Variants in STK10 observed in about 807,000 individuals in gnomAD.
STK10 encodes serine/threonine-protein kinase 10.
STK10 carries 78 observed loss-of-function variants against 113.8 expected under a neutral mutation model. The ratio of observed to expected loss-of-function variants is 0.69; its 90% CI spans 0.57 to 0.83. STK10 has a LOEUF of 0.83. STK10 is among the 40% of genes least tolerant of loss of function. The pLI is 0.00. For synonymous variants in STK10, 465 were observed against 494.7 expected (o/e 0.94, Z 0.80); for missense variants, 1,109 against 1,280.1 (o/e 0.87, Z 2.04).
At chr5:172,163,240 T>TAAAAC (rs1388606109) in intron 1 of STK10, among the ~76,000 whole-genome samples, 1 of 152,130 alleles carries the variant, frequency 6.6e-6, no homozygotes, top group African/African-American at 2.4e-5. Context: ...TATTGCCAGT[T>TAAAAC]TACAGATGAG....
chr5:172,062,444 G>A (rs921663629), intron 13 of STK10, among the ~76,000 whole-genome samples: 1 of 152,152 alleles, frequency 6.6e-6, no homozygotes, highest in Non-Finnish European at 1.5e-5. Flanking sequence ...AGATATGTGT[G>A]CACCCAAGTT....
intron 2 of STK10, among the ~76,000 whole-genome samples, chr5:172,131,269 C>T (rs1411884201): frequency 6.6e-6 from 1 of 152,106 alleles, no homozygotes; most frequent in Admixed American, 6.6e-5. Flanking sequence ...CTCCTGACCT[C>T]GCGATCTGCC....
rs1051262766 is a variant in STK10 at position 172,187,495 on chromosome 5, T to TA, written c.156+391dup. Among the ~76,000 whole-genome samples the TA allele has an allele frequency of 2.9e-4, 43 of 149,028 alleles. No homozygotes were observed. The highest frequency in any genetic ancestry group is 7.9e-4 in the African/African-American group (32 of 40,672). On this transcript the variant is annotated intron_variant, in intron 1 of 18. Coordinates refer to ENST00000176763, the MANE Select transcript of STK10 (RefSeq NM_005990.4). This position sits in a 1 kb window ranked among gnomAD's most constrained non-coding sequence, Gnocchi z 4.6. ...TTCCCACAGCATCTGTGGTCTCTCT[T>TA]AAAAAAAAAAGTGTGCCCGTATCGC... is the stretch of plus-strand genomic sequence containing the variant.
chr5:172,047,899 G>GTTTTTTT (rs11438537), intron 18 of STK10, among the ~76,000 whole-genome samples: 3 of 109,802 alleles, frequency 2.7e-5, no homozygotes, highest in Admixed American at 1.1e-4. Flanking sequence ...TGTTTTTTGG[G>GTTTTTTT]TTTTTTTTTT....
intron 2 of STK10, among the ~76,000 whole-genome samples, chr5:172,148,886 GACA>G (rs1450438160): frequency 6.6e-6 from 1 of 152,206 alleles, no homozygotes; most frequent in Non-Finnish European, 1.5e-5. Flanking sequence ...AAATGGGGGT[GACA>G]ACATCTCAAT....
intron 8 of STK10, among the ~76,000 whole-genome samples, chr5:172,096,079 G>C (rs1452608471): frequency 6.6e-6 from 1 of 152,180 alleles, no homozygotes; most frequent in Non-Finnish European, 1.5e-5. Flanking sequence ...ATCCCAAAAT[G>C]AGCTAAAAAC....
chr5:172,051,523 G>A (rs1214617055), intron 18 of STK10, among the ~76,000 whole-genome samples: 1 of 152,180 alleles, frequency 6.6e-6, no homozygotes, highest in East Asian at 1.9e-4. Flanking sequence ...TATTCAGGAG[G>A]TTGAGGCAGG....
chr5:172,058,102 G>A (rs770829002), intron 14 of STK10, among the ~76,000 whole-genome samples: 5 of 152,298 alleles, frequency 3.3e-5, no homozygotes, highest in South Asian at 2.1e-4. Context: ...CACAGCACCC[G>A]GGTGGGGACC....
chr5:172,042,753 C>A lies in STK10; in HGVS notation c.*2129G>T, dbSNP rs906992776. On this transcript the variant is annotated 3_prime_UTR_variant, in exon 19 of 19. Coordinates refer to ENST00000176763, the MANE Select transcript of STK10 (RefSeq NM_005990.4). ...TTGTGAGAGACCTAAAAAACACCCC[C>A]ATCTGGGTCAAATTCTGCAGCAGGC... is the stretch of plus-strand genomic sequence containing the variant. The A allele has an allele frequency of 6.6e-6, 1 of 152,228 alleles. No individual in the cohort carries two copies. The highest frequency in any genetic ancestry group is 6.5e-5 in the Admixed American group (1 of 15,274). 9.4% of individuals were successfully genotyped at this position (152,228 alleles called of 1,614,324 possible).
chr5:172,074,487 C>T (rs1004793805), intron 12 of STK10, among the ~76,000 whole-genome samples: 3 of 152,084 alleles, frequency 2.0e-5, no homozygotes, highest in Non-Finnish European at 4.4e-5. Flanking sequence ...ATCAGACATC[C>T]ATAGGCAATA....
intron 2 of STK10, among the ~76,000 whole-genome samples, chr5:172,149,066 C>A (rs760244131): frequency 1.6e-4 from 25 of 152,226 alleles, no homozygotes; most frequent in Non-Finnish European, 2.9e-4. Context: ...ACTTGGGAGG[C>A]TAAGGAGGGA....
At chr5:172,105,627 G>A (rs749256188) in intron 7 of STK10, 29 bp downstream of exon 7, 1 of 1,610,292 alleles carries the variant, frequency 6.2e-7, no homozygotes, top group Non-Finnish European at 8.5e-7. Context: ...CACCCTTCAG[G>A]GAGCAGAGTG....
chr5:172,053,176 T>C lies in STK10; in HGVS notation c.2653-134A>G, dbSNP rs543529654. ...TATTTCTTCTTGACTATAAATCCCA[T>C]TTATTCAAACTCTATACGTAAATCA... On this transcript the variant is annotated intron_variant, in intron 17 of 18. Transcript: ENST00000176763. 1.0e-5 allele frequency: 7 copies of C among 685,084 alleles called. No homozygotes were observed. In the South Asian group the frequency reaches 1.1e-4, roughly 11 times the overall value. The allele number at this position is 685,084 out of a possible 1,614,324, so 42.4% of individuals were successfully genotyped here.
chr5:172,168,436 T>C (rs1770607819), intron 1 of STK10, among the ~76,000 whole-genome samples: 1 of 152,142 alleles, frequency 6.6e-6, no homozygotes, highest in Non-Finnish European at 1.5e-5. Flanking sequence ...GGTGGCCAGC[T>C]GACATGGGCT....
rs543861404 is a variant in STK10 at position 172,088,876 on chromosome 5, G to GT, written c.1685+1355dup. Reference sequence around the variant, plus strand: ...AAATAGGGTCTCCCGAAGGAGGGCTGTAAGTGGGGGATGAACAACTGAAAA... The same window carrying GT: ...AAATAGGGTCTCCCGAAGGAGGGCTGTTAAGTGGGGGATGAACAACTGAAAA... On this transcript the variant is annotated intron_variant, in intron 10 of 18. Coordinates refer to ENST00000176763, the MANE Select transcript of STK10 (RefSeq NM_005990.4). Among the ~76,000 whole-genome samples, 314 of 152,362 alleles carry GT rather than the reference G, an allele frequency of 2.1e-3. 1 individual carries two copies. Among genetic ancestry groups the GT allele is most frequent in the Non-Finnish European group, 3.3e-3 (225 of 68,036 alleles).
chr5:172,115,703 G>A (rs1007190475), intron 4 of STK10, among the ~76,000 whole-genome samples: 1 of 152,176 alleles, frequency 6.6e-6, no homozygotes, highest in Non-Finnish European at 1.5e-5. Flanking sequence ...CCTCTTATCG[G>A]CAATGTGACC....
In STK10 at chr5:172,120,519, C is replaced by G. The variant is rs1769488796; in HGVS notation, c.371-2889G>C. Among the ~76,000 whole-genome samples, 1 of 152,156 alleles carries G rather than the reference C, an allele frequency of 6.6e-6. No individual in the cohort carries two copies. The highest frequency in any genetic ancestry group is 2.1e-4 in the South Asian group (1 of 4,828). On this transcript the variant is annotated intron_variant, in intron 3 of 18. Transcript: ENST00000176763. The surrounding 1 kb of genome is among the most constrained non-coding windows in gnomAD (Gnocchi z 4.0). Reference sequence around the variant, plus strand: ...CTCCAGCCAGGGGCCAGGATCAGAGCCTGCATGGGCTTCAGGACCACACAG... The same window carrying G: ...CTCCAGCCAGGGGCCAGGATCAGAGGCTGCATGGGCTTCAGGACCACACAG...
chr5:172,132,271 T>C (rs1000990860), intron 2 of STK10, among the ~76,000 whole-genome samples: 2 of 152,236 alleles, frequency 1.3e-5, no homozygotes, highest in African/African-American at 4.8e-5. Context: ...CTTTTATGTA[T>C]TATATTCAAT....
intron 1 of STK10, among the ~76,000 whole-genome samples, chr5:172,185,759 G>A (rs1041182552): frequency 3.3e-5 from 5 of 152,216 alleles, no homozygotes; most frequent in South Asian, 2.1e-4. Context: ...GCTGAGGATC[G>A]TTCTCTGGTG....
Sources: allele counts gnomAD v4.1 joint callset (sites outside exome capture counted in the v4.1 genomes callset), GRCh38; gene constraint gnomAD v4.1.1; non-coding constraint Gnocchi (gnomAD v3.1); transcripts MANE v1.5; gene names NCBI Gene and HGNC (gene_info 2026-07-23, HGNC 2026-07-21).